PICALM: variants seen among roughly 807,000 people sequenced by gnomAD.
The protein encoded by PICALM is phosphatidylinositol-binding clathrin assembly protein.
In PICALM, 40 loss-of-function variants were observed where a neutral mutation model predicts 80.5. That is an observed-to-expected ratio of 0.50 (90% CI 0.39 to 0.65). The LOEUF (loss-of-function observed/expected upper bound fraction) is 0.65. Ranked by LOEUF, PICALM falls within the 30% of genes least tolerant of loss-of-function variation. PICALM has a pLI of 0.00. For synonymous variants in PICALM, 288 were observed against 260.3 expected, an observed-to-expected ratio of 1.11 and a Z score of -1.02; for missense variants, 676 against 778.9, an observed-to-expected ratio of 0.87 and a Z score of 1.57.
rs202024200 is a variant in PICALM at position 86,014,287 on chromosome 11, TAAAC to T, written c.546+579_546+582del. 3.1e-3 allele frequency among the ~76,000 whole-genome samples: 474 copies of T among 152,248 alleles called. 4 individuals are homozygous for T. Among genetic ancestry groups the T allele is most frequent in the South Asian group, 0.011 (51 of 4,826 alleles). On this transcript the variant is annotated intron_variant, in intron 5 of 19. Transcript: ENST00000393346. ...CTAAAACAAAATGACAAATAAATAA[TAAAC>T]AAAACATTGTTAAGATAGATGACAA...
chr11:86,061,434 A>AACAGGACAATG, intron 1 of PICALM, among the ~76,000 whole-genome samples: 1 of 152,086 alleles, frequency 6.6e-6, no homozygotes, highest in East Asian at 1.9e-4. Context: ...GAAAACAAAG[A>AACAGGACAATG]ACCTGACTTT....
intron 2 of PICALM, 85 bp downstream of exon 2, chr11:86,031,384 A>G (rs1305043142): frequency 9.9e-7 from 1 of 1,009,594 alleles, no homozygotes; most frequent in African/African-American, 1.6e-5. Flanking sequence ...TGTACCTGGG[A>G]GCTGTTTCTG....
chr11:85,987,136 A>T (rs1277115307), intron 13 of PICALM, among the ~76,000 whole-genome samples: 1 of 152,240 alleles, frequency 6.6e-6, no homozygotes, highest in Non-Finnish European at 1.5e-5. Context: ...AGTAACTACT[A>T]CCATTTATTA....
intron 1 of PICALM, among the ~76,000 whole-genome samples, chr11:86,046,012 G>A (rs1288769116): frequency 1.3e-5 from 2 of 152,182 alleles, no homozygotes; most frequent in Non-Finnish European, 2.9e-5. Context: ...ACTCTCCAGA[G>A]TGACTGGGAT....
chr11:85,988,591 A>T (rs2094655478), intron 13 of PICALM, among the ~76,000 whole-genome samples: 1 of 152,082 alleles, frequency 6.6e-6, no homozygotes, highest in Non-Finnish European at 1.5e-5. Context: ...GCAGGAAAGG[A>T]GTAAGGAAAG....
In PICALM at chr11:85,958,648, CAA is replaced by C. The variant is rs943629626; in HGVS notation, c.*396_*397del. 4.1e-6 allele frequency: 1 copy of C among 241,158 alleles called. No homozygotes were observed. The highest frequency in any genetic ancestry group is 2.2e-5 in the African/African-American group (1 of 45,532). The allele number at this position is 241,158 out of a possible 1,614,324, so 14.9% of individuals were successfully genotyped here. ...ATTAGGAATTTTAATTTTGATCCCC[CAA>C]AAGAGTCCTGTTGAAATACAGTAAA... On this transcript the variant is annotated 3_prime_UTR_variant, in exon 20 of 20. Coordinates refer to ENST00000393346, the MANE Select transcript of PICALM (RefSeq NM_007166.4).
intron 1 of PICALM, among the ~76,000 whole-genome samples, chr11:86,054,373 T>C (rs1359702039): frequency 1.3e-5 from 2 of 152,188 alleles, no homozygotes; most frequent in Non-Finnish European, 2.9e-5. Context: ...AAAGGAGGGC[T>C]CTAAAATGAA....
rs182687910 is a variant in PICALM at position 85,970,420 on chromosome 11, C to T, written c.1944+4288G>A. Among the ~76,000 whole-genome samples the T allele has an allele frequency of 2.0e-5, 3 of 152,250 alleles. No individual in the cohort carries two copies. The East Asian group carries it at 5.8e-4, about 29-fold the overall frequency. On this transcript the variant is annotated intron_variant, in intron 19 of 19. Coordinates refer to ENST00000393346, the MANE Select transcript of PICALM (RefSeq NM_007166.4). ...ATGGAATCGAAGAACTTGAATATTC[C>T]GTTAACTCATTATTACTCTTATAAA...
intron 13 of PICALM, among the ~76,000 whole-genome samples, chr11:85,989,752 A>G (rs773796488): frequency 2.6e-5 from 4 of 152,140 alleles, no homozygotes; most frequent in Non-Finnish European, 4.4e-5. Context: ...GAATGGGATA[A>G]AAGATATGCA....
intron 19 of PICALM, among the ~76,000 whole-genome samples, chr11:85,968,076 A>G (rs945000152): frequency 4.3e-4 from 66 of 152,192 alleles, no homozygotes; most frequent in African/African-American, 1.6e-3. Context: ...GCTCATGCCT[A>G]TAATCCCAGC....
chr11:85,964,490 C>T (rs548121), intron 19 of PICALM, among the ~76,000 whole-genome samples: 124,454 of 152,160 alleles, frequency 0.82, 51,102 homozygotes, highest in African/African-American at 0.89. Flanking sequence ...AATACCTGTA[C>T]TGCCGCTTAT....
Position 85,985,837 on chromosome 11 carries a change from A to G in PICALM, c.1409-1864T>C, listed in dbSNP as rs117644691. ...CTAACTTTTAGATTATATATGGAAC[A>G]ACAATTTAAAATTAGGCCAATATAT... On this transcript the variant is annotated intron_variant, in intron 13 of 19. Coordinates refer to ENST00000393346, the MANE Select transcript of PICALM (RefSeq NM_007166.4). Among the ~76,000 whole-genome samples, 190 of 152,346 alleles carry G rather than the reference A, an allele frequency of 1.2e-3. 2 individuals are homozygous for G. The East Asian group carries it at 0.033, about 26-fold the overall frequency.
chr11:85,995,076 A>G (rs573538896), intron 12 of PICALM, among the ~76,000 whole-genome samples: 1 of 152,356 alleles, frequency 6.6e-6, no homozygotes, highest in East Asian at 1.9e-4. Flanking sequence ...AAATTAAAAA[A>G]AATATATCGA....
chr11:86,022,999 T>A lies in PICALM; in HGVS notation c.350-530A>T, dbSNP rs72963070. On this transcript the variant is annotated intron_variant, in intron 3 of 19. Transcript: ENST00000393346. ...GTTCAGGGTGTAACAAAAACAATTA[T>A]ATGAATGTTTTCAATGAAACTTTCT... is the stretch of plus-strand genomic sequence containing the variant. Among the ~76,000 whole-genome samples the A allele has an allele frequency of 7.5e-3, 1,148 of 152,302 alleles. 11 individuals are homozygous for A. Among genetic ancestry groups the A allele is most frequent in the Middle Eastern group, 0.014 (4 of 292 alleles).
chr11:86,001,221 A>G (rs2095134203), intron 9 of PICALM, 63 bp from the exon 10 acceptor site: 1 of 1,551,778 alleles, frequency 6.4e-7, no homozygotes, highest in Non-Finnish European at 8.8e-7. Context: ...CACCCAGGTC[A>G]TGAAATGGTC....
At chr11:85,993,451 T>C (rs150506114) in intron 12 of PICALM, among the ~76,000 whole-genome samples, 2 of 152,062 alleles carry the variant, frequency 1.3e-5, no homozygotes, top group African/African-American at 4.8e-5. Flanking sequence ...ATTTTTTCAT[T>C]TTTTTGAGAC....
chr11:86,018,112 G>A (rs985487526), intron 4 of PICALM, among the ~76,000 whole-genome samples: 2 of 152,140 alleles, frequency 1.3e-5, no homozygotes, highest in East Asian at 3.8e-4. Context: ...TTGGTGTGAA[G>A]CTAGAATTCA....
Position 85,996,820 on chromosome 11 carries a change from G to A in PICALM, c.1258+6C>T, listed in dbSNP as rs778947099. Reference sequence around the variant, plus strand: ...AACATCTAAAATAGAATTCATCAATGCTTACCTCCCCATGTACTTGCTACC... The same window carrying A: ...AACATCTAAAATAGAATTCATCAATACTTACCTCCCCATGTACTTGCTACC... On this transcript the variant is annotated splice_donor_region_variant and intron_variant, in intron 12 of 19. Coordinates refer to ENST00000393346, the MANE Select transcript of PICALM (RefSeq NM_007166.4). The A allele has an allele frequency of 6.6e-7, 1 of 1,510,038 alleles. No homozygotes were observed. Among genetic ancestry groups the A allele is most frequent in the Non-Finnish European group, 9.2e-7 (1 of 1,086,044 alleles). The allele number at this position is 1,510,038 out of a possible 1,614,324, so 93.5% of individuals were successfully genotyped here.
chr11:86,012,486 T>C (rs2095415442), intron 5 of PICALM, 94 bp from the exon 6 acceptor site: 1 of 696,724 alleles, frequency 1.4e-6, no homozygotes, highest in African/African-American at 1.8e-5. Context: ...AGTAAATTCA[T>C]GCATTAGGCA....
Sources: gnomAD v4.1 joint callset for allele counts (sites outside exome capture counted in the v4.1 genomes callset) on GRCh38, gnomAD v4.1.1 for gene constraint, MANE v1.5 for transcripts, NCBI Gene and HGNC (gene_info 2026-07-23, HGNC 2026-07-21) for gene names.